The following SRPK2 variants were observed in gnomAD, a reference collection of about 807,000 sequenced individuals.
The protein encoded by SRPK2 is SFRS protein kinase 2.
In SRPK2, 21 loss-of-function variants were observed where a neutral mutation model predicts 90.8. The ratio of observed to expected loss-of-function variants is 0.23; its 90% CI spans 0.16 to 0.33. The LOEUF (loss-of-function observed/expected upper bound fraction) is 0.33. Among genes scored for constraint, SRPK2 ranks in the 10% least tolerant of loss-of-function variants. SRPK2 has a pLI of 1.00. For missense variants in SRPK2, 620 were observed against 869.0 expected, an observed-to-expected ratio of 0.71 and a Z score of 3.60; for synonymous variants, 288 against 311.1, an observed-to-expected ratio of 0.93 and a Z score of 0.78.
At chr7:105,273,213 T>C (rs1430341238) in intron 2 of SRPK2, among the ~76,000 whole-genome samples, 1 of 148,636 alleles carries the variant, frequency 6.7e-6, no homozygotes, top group Non-Finnish European at 1.5e-5. Context: ...AGACTCCGTC[T>C]CAAAAAAAAA....
intron 15 of SRPK2, chr7:105,125,945 TACC>T: frequency 1.3e-6 from 1 of 791,098 alleles, no homozygotes; most frequent in Non-Finnish European, 1.9e-6. Context: ...ATGCAGACAC[TACC>T]ACCGCCCGCG....
At chr7:105,245,064 C>CACACACACAA in intron 2 of SRPK2, 1 of 656,906 alleles carries the variant, frequency 1.5e-6, no homozygotes, top group South Asian at 1.6e-5. Flanking sequence ...CACACACACA[C>CACACACACAA]ACACACACAC....
chr7:105,227,752 A>C (rs1056226460), intron 2 of SRPK2, among the ~76,000 whole-genome samples: 5 of 152,178 alleles, frequency 3.3e-5, no homozygotes, highest in Admixed American at 1.3e-4. Flanking sequence ...ATATAAAAAC[A>C]TATATTCACT....
At chr7:105,268,341 TG>T (rs1379308035) in intron 2 of SRPK2, among the ~76,000 whole-genome samples, 1 of 152,192 alleles carries the variant, frequency 6.6e-6, no homozygotes, top group Non-Finnish European at 1.5e-5. Context: ...TATTTACAAA[TG>T]GCACTCCCTT....
intron 2 of SRPK2, among the ~76,000 whole-genome samples, chr7:105,325,130 T>C (rs1390295501): frequency 6.6e-6 from 1 of 152,090 alleles, no homozygotes; most frequent in Non-Finnish European, 1.5e-5. Flanking sequence ...AATCAAGTGA[T>C]CTAAGTCTTC....
intron 2 of SRPK2, among the ~76,000 whole-genome samples, chr7:105,250,744 T>C (rs1295102665): frequency 6.6e-6 from 1 of 152,238 alleles, no homozygotes; most frequent in East Asian, 1.9e-4. Context: ...AAATTCATCA[T>C]GAATATCTGG....
At chr7:105,239,464 G>A (rs1449455216) in intron 2 of SRPK2, among the ~76,000 whole-genome samples, 1 of 152,190 alleles carries the variant, frequency 6.6e-6, no homozygotes, top group South Asian at 2.1e-4. Flanking sequence ...GTATCACTGA[G>A]GCAGTTACAT....
intron 2 of SRPK2, among the ~76,000 whole-genome samples, chr7:105,342,023 G>T (rs533605052): frequency 6.6e-6 from 1 of 151,904 alleles, no homozygotes; most frequent in South Asian, 2.1e-4. Context: ...CAGCACTTGG[G>T]GAGGCCAAGG....
intron 2 of SRPK2, among the ~76,000 whole-genome samples, chr7:105,290,422 C>A (rs1808816061): frequency 6.6e-6 from 1 of 152,054 alleles, no homozygotes; most frequent in Non-Finnish European, 1.5e-5. Context: ...CACTTGAGCC[C>A]AGGAGGCGGA....
At chr7:105,389,044 G>A, upstream of SRPK2, 1 of 921,056 alleles carries the variant, frequency 1.1e-6, no homozygotes, top group Non-Finnish European at 1.3e-6. Context: ...CGCGCGCCCA[G>A]CGCCCCGCGC....
intron 7 of SRPK2, among the ~76,000 whole-genome samples, chr7:105,150,626 C>T (rs1012988910): frequency 3.3e-5 from 5 of 152,166 alleles, no homozygotes; most frequent in Non-Finnish European, 7.4e-5. Flanking sequence ...GAAGGAAACA[C>T]AATCCAATGG....
chr7:105,117,827 G>C lies in SRPK2; in HGVS notation c.*11C>G. On this transcript the variant is annotated 3_prime_UTR_variant, in exon 16 of 16. Transcript: ENST00000393651. ...ATTTGCTAGCTCAGAATGCAATATT[G>C]GTAGAATTTGCTAAGAATTCAACCA... 6.2e-7 allele frequency: 1 copy of C among 1,611,930 alleles called. No homozygotes were observed. Among genetic ancestry groups the C allele is most frequent in the Non-Finnish European group, 8.5e-7 (1 of 1,179,762 alleles).
At position 105,169,201 on chromosome 7, in the gene SRPK2, A is replaced by G; in HGVS notation, c.294T>C (p.Leu98=). ...FNGRYHVIRK[L]GWGHFSTVWL... is the part of the protein sequence containing the mutation. ...AGACAGTAGAGAAGTGCCCCCATCC[A>G]AGCTTTCTAATAACATGATACCGGC... is the stretch of plus-strand genomic sequence containing the variant. The change falls in exon 4 of 16, where the codon CTT becomes CTC. Residue 98 remains leucine, a synonymous_variant. Transcript: ENST00000393651. 2 of 1,613,720 alleles carry G rather than the reference A, an allele frequency of 1.2e-6. No individual in the cohort carries two copies. Among genetic ancestry groups the G allele is most frequent in the Middle Eastern group, 1.7e-4 (1 of 5,822 alleles).
chr7:105,262,745 C>A (rs1259725637), intron 2 of SRPK2, among the ~76,000 whole-genome samples: 2 of 152,124 alleles, frequency 1.3e-5, no homozygotes, highest in Non-Finnish European at 2.9e-5. Flanking sequence ...CCAGTTTCTA[C>A]TTCTAATCCT....
intron 2 of SRPK2, among the ~76,000 whole-genome samples, chr7:105,316,258 C>T (rs1283430422): frequency 1.3e-5 from 2 of 152,130 alleles, no homozygotes; most frequent in South Asian, 4.1e-4. Flanking sequence ...GCCACCGTGC[C>T]TGGCCATCTT....
At chr7:105,327,744 ATACT>A (rs1322458619) in intron 2 of SRPK2, among the ~76,000 whole-genome samples, 1 of 152,216 alleles carries the variant, frequency 6.6e-6, no homozygotes, top group Non-Finnish European at 1.5e-5. Flanking sequence ...AGAACACAAG[ATACT>A]TAATACAGAT....
chr7:105,344,265 T>C (rs1465462841), intron 2 of SRPK2, among the ~76,000 whole-genome samples: 1 of 149,400 alleles, frequency 6.7e-6, no homozygotes, highest in Non-Finnish European at 1.5e-5. Flanking sequence ...TGCTTGTGTT[T>C]CAAAAAAACT....
intron 2 of SRPK2, among the ~76,000 whole-genome samples, chr7:105,356,812 TA>T (rs1817832036): frequency 6.6e-6 from 1 of 152,174 alleles, no homozygotes; most frequent in Non-Finnish European, 1.5e-5. Flanking sequence ...ATCTCTTCTT[TA>T]ACAGAGATTT....
intron 2 of SRPK2, among the ~76,000 whole-genome samples, chr7:105,221,895 G>A (rs1323851165): frequency 6.6e-6 from 1 of 152,196 alleles, no homozygotes; most frequent in Non-Finnish European, 1.5e-5. Flanking sequence ...TACAGCCCTA[G>A]TATCCACAGA....
Sources: gnomAD v4.1 joint callset for allele counts (sites outside exome capture counted in the v4.1 genomes callset) on GRCh38, gnomAD v4.1.1 for gene constraint, MANE v1.5 for transcripts, NCBI Gene and HGNC (gene_info 2026-07-23, HGNC 2026-07-21) for gene names.